Variants in RABGAP1 observed in about 807,000 individuals in gnomAD.
RABGAP1 encodes the protein rab GTPase-activating protein 1.
In RABGAP1, 23 loss-of-function variants were observed where a neutral mutation model predicts 137.6. That is an observed-to-expected ratio of 0.17 (90% CI 0.12 to 0.24). RABGAP1 has a LOEUF of 0.24. Among genes scored for constraint, RABGAP1 ranks in the 10% least tolerant of loss-of-function variants. RABGAP1 has a pLI of 1.00. For synonymous variants in RABGAP1, 451 were observed against 450.7 expected, an observed-to-expected ratio of 1.00 and a Z score of -0.01; for missense variants, 906 against 1,275.8, an observed-to-expected ratio of 0.71 and a Z score of 4.42.
chr9:123,068,348 CAAAAAA>C (rs998962006), intron 14 of RABGAP1, among the ~76,000 whole-genome samples: 2 of 66,532 alleles, frequency 3.0e-5, no homozygotes, highest in African/African-American at 7.6e-5. Context: ...GACTCCATCT[CAAAAAA>C]AAAAAAAAAA....
At chr9:122,935,158 A>G in the RABGAP1 span, among the ~76,000 whole-genome samples, 1 of 152,010 alleles carries the variant, frequency 6.6e-6, no homozygotes, top group East Asian at 1.9e-4. Context: ...TGTATATTCT[A>G]TAGATATTTT....
intron 13 of RABGAP1, among the ~76,000 whole-genome samples, chr9:123,033,327 C>G (rs947650047): frequency 6.6e-6 from 1 of 152,098 alleles, no homozygotes; most frequent in African/African-American, 2.4e-5. Flanking sequence ...CAGTCTAATT[C>G]CTGACACCCT....
At chr9:122,953,793 GGTGGCCTTACTTTT>G (rs2131612118) in intron 1 of RABGAP1, among the ~76,000 whole-genome samples, 1 of 152,256 alleles carries the variant, frequency 6.6e-6, no homozygotes, top group South Asian at 2.1e-4. Flanking sequence ...ATTTATAAAA[GGTGGCCTTACTTTT>G]TCCTTGGGTG....
intron 13 of RABGAP1, among the ~76,000 whole-genome samples, chr9:123,051,044 A>C (rs2033430442): frequency 6.6e-6 from 1 of 151,892 alleles, no homozygotes. Context: ...TTGTGATCTA[A>C]AAATATATCT....
At chr9:122,971,426 C>G (rs1835468622) in intron 2 of RABGAP1, among the ~76,000 whole-genome samples, 1 of 152,140 alleles carries the variant, frequency 6.6e-6, no homozygotes, top group Non-Finnish European at 1.5e-5. Flanking sequence ...GCAGAGCACA[C>G]AATCCAAAAT....
chr9:123,064,063 TC>T (rs1271645268), intron 13 of RABGAP1, among the ~76,000 whole-genome samples: 1 of 152,162 alleles, frequency 6.6e-6, no homozygotes, highest in Admixed American at 6.5e-5. Context: ...CTCGCTCACT[TC>T]GCTCGCTCTC....
At chr9:123,098,691 C>G in intron 22 of RABGAP1, 24 bp from the exon 23 acceptor site, 1 of 1,598,728 alleles carries the variant, frequency 6.3e-7, no homozygotes, top group Non-Finnish European at 8.6e-7. Context: ...TAACATAGTC[C>G]CTTTTGTTTT....
At chr9:122,940,376 C>T (rs1833481973), upstream of RABGAP1, 1 of 152,094 alleles carries the variant, frequency 6.6e-6, no homozygotes, top group African/African-American at 2.4e-5. Flanking sequence ...CCTTAAATGC[C>T]TTTAGGCAGC....
At chr9:122,934,315 T>C in the RABGAP1 span, among the ~76,000 whole-genome samples, 2 of 150,550 alleles carry the variant, frequency 1.3e-5, no homozygotes, top group Non-Finnish European at 3.0e-5. Flanking sequence ...CCTGACCTCA[T>C]GATCCGCCCA....
At chr9:122,985,165 A>G (rs548251785) in intron 3 of RABGAP1, among the ~76,000 whole-genome samples, 2 of 152,354 alleles carry the variant, frequency 1.3e-5, no homozygotes, top group East Asian at 3.9e-4. Context: ...AAGACATAGC[A>G]TGGGAGGAGA....
At chr9:122,939,641 A>G (rs890119239), upstream of RABGAP1, 1 of 152,272 alleles carries the variant, frequency 6.6e-6, no homozygotes, top group Non-Finnish European at 1.5e-5. Flanking sequence ...ATCAAGAAAT[A>G]CATGAAAGTA....
At chr9:122,944,493 G>A (rs1304522900) in intron 1 of RABGAP1, among the ~76,000 whole-genome samples, 3 of 151,376 alleles carry the variant, frequency 2.0e-5, no homozygotes, top group East Asian at 1.9e-4. Context: ...GCCTCCCAAC[G>A]TGACAACACT....
At chr9:122,957,422 C>G (rs1372944830) in intron 2 of RABGAP1, among the ~76,000 whole-genome samples, 1 of 152,162 alleles carries the variant, frequency 6.6e-6, no homozygotes, top group African/African-American at 2.4e-5. Context: ...TTCAATACCC[C>G]TAAGTGTCAA....
At chr9:123,045,833 T>C (rs981852296) in intron 13 of RABGAP1, among the ~76,000 whole-genome samples, 1 of 152,182 alleles carries the variant, frequency 6.6e-6, no homozygotes, top group Non-Finnish European at 1.5e-5. Flanking sequence ...TAATACTACC[T>C]CATTAGAATT....
At chr9:122,959,037 A>G (rs1189674561) in intron 2 of RABGAP1, among the ~76,000 whole-genome samples, 2 of 152,136 alleles carry the variant, frequency 1.3e-5, no homozygotes, top group African/African-American at 2.4e-5. Flanking sequence ...ACTCTTACTC[A>G]TAAATATATA....
intron 2 of RABGAP1, among the ~76,000 whole-genome samples, chr9:122,968,228 T>TA (rs1232059791): frequency 3.4e-4 from 51 of 149,348 alleles, no homozygotes; most frequent in Non-Finnish European, 5.7e-4. Context: ...ACCTTTTTTT[T>TA]TTTTTTTTTT....
Position 122,990,068 on chromosome 9 carries a change from C to G in RABGAP1, c.778C>G (p.Leu260Val). 2 of 1,606,930 alleles carry G rather than the reference C, an allele frequency of 1.2e-6. No homozygotes were observed. The highest frequency in any genetic ancestry group is 1.3e-5 in the African/African-American group (1 of 74,750). ...CEIQEAVSRI[L>V]YSFATAFRRS... ...TGTCTGGTTGTAGGTAAGCCGGATA[C>G]TTTACAGTTTTGCCACTGCCTTCCG... Residue 260 changes from leucine to valine, a missense_variant, in exon 6 of 26, where the codon CTT (leucine) becomes GTT (valine). Physicochemically the swap from Leu to Val is conservative, Grantham distance 32 (BLOSUM62 1). Around this residue, in one of 9 missense-constraint regions of RABGAP1, gnomAD observed 331 missense variants for 358.3 expected, o/e 0.92. Transcript: ENST00000373647.
intron 19 of RABGAP1, among the ~76,000 whole-genome samples, chr9:123,078,905 A>G (rs533351945): frequency 1.3e-5 from 2 of 152,208 alleles, no homozygotes; most frequent in South Asian, 2.1e-4. Context: ...TCTCTATCGC[A>G]TGTCTCCTTT....
At chr9:123,049,472 T>C (rs1185823518) in intron 13 of RABGAP1, among the ~76,000 whole-genome samples, 1 of 152,154 alleles carries the variant, frequency 6.6e-6, no homozygotes, top group African/African-American at 2.4e-5. Flanking sequence ...GAGAAATGAT[T>C]TTGGAAGAAA....
Sources: gnomAD v4.1 joint callset for allele counts (sites outside exome capture counted in the v4.1 genomes callset) on GRCh38, gnomAD v4.1.1 for gene constraint, gnomAD v4.1.1 regional missense constraint, MANE v1.5 for transcripts, NCBI Gene and HGNC (gene_info 2026-07-23, HGNC 2026-07-21) for gene names.